The following FGF14 variants were observed in gnomAD, a reference collection of about 807,000 sequenced individuals.
FGF14 encodes fibroblast growth factor 14.
FGF14 carries 5 observed loss-of-function variants against 25.5 expected under a neutral mutation model. That is an observed-to-expected ratio of 0.20 (90% CI 0.10 to 0.41). The LOEUF is 0.41. FGF14 is among the 10% of genes least tolerant of loss of function. The pLI, the probability that FGF14 is intolerant of heterozygous loss-of-function variation, is 1.00. For missense variants in FGF14, 222 were observed against 320.1 expected, an observed-to-expected ratio of 0.69 and a Z score of 2.34; for synonymous variants, 138 against 118.3, an observed-to-expected ratio of 1.17 and a Z score of -1.08.
At chr13:102,101,011 T>A (rs9557805) in intron 1 of FGF14, among the ~76,000 whole-genome samples, 58,859 of 151,732 alleles carry the variant, frequency 0.39, 13,517 homozygotes, top group Non-Finnish European at 0.51. Flanking sequence ...AGGCGGAAGA[T>A]TTGCTGGAAC....
chr13:102,161,476 T>C (rs1185298389), intron 1 of FGF14, among the ~76,000 whole-genome samples: 1 of 151,924 alleles, frequency 6.6e-6, no homozygotes, highest in Non-Finnish European at 1.5e-5. Context: ...ACAGCAATCG[T>C]CAGTCAGTGT....
chr13:102,108,804 GAA>G (rs2045062840), intron 1 of FGF14, among the ~76,000 whole-genome samples: 1 of 152,146 alleles, frequency 6.6e-6, no homozygotes, highest in Non-Finnish European at 1.5e-5. Context: ...GGATTTTAAA[GAA>G]AAGCCCCTCG....
intron 3 of FGF14, among the ~76,000 whole-genome samples, chr13:101,867,271 C>T (rs1452937551): frequency 1.3e-5 from 2 of 152,006 alleles, no homozygotes; most frequent in Admixed American, 6.6e-5. Flanking sequence ...AAATGATATA[C>T]CCTACCTTTA....
At chr13:101,798,614 C>G (rs929569359) in intron 3 of FGF14, among the ~76,000 whole-genome samples, 1 of 152,060 alleles carries the variant, frequency 6.6e-6, no homozygotes, top group African/African-American at 2.4e-5. Flanking sequence ...TGAATATGCA[C>G]ATAGGTTAAT....
At chr13:102,275,055 G>A (rs565906858) in intron 1 of FGF14, among the ~76,000 whole-genome samples, 9 of 151,888 alleles carry the variant, frequency 5.9e-5, no homozygotes, top group Non-Finnish European at 1.2e-4. Context: ...ATTGTATTTT[G>A]CCTAGGACAG....
In FGF14 at chr13:101,816,194, T is replaced by C. The variant is rs369715375; in HGVS notation, c.408+52531A>G. ...CTGAGGCAGCAGAATGGCATGAACC[T>C]GGGAGGCGGAGCTTGCAGTGAGCCG... On this transcript the variant is annotated intron_variant, in intron 3 of 4. Coordinates refer to ENST00000376143, the MANE Select transcript of FGF14 (RefSeq NM_004115.4). 4.6e-4 allele frequency among the ~76,000 whole-genome samples: 67 copies of C among 146,220 alleles called. No individual in the cohort carries two copies. The South Asian group carries it at 9.5e-3, about 21-fold the overall frequency.
chr13:101,896,884 G>C (rs952717591), intron 1 of FGF14, among the ~76,000 whole-genome samples: 2 of 152,050 alleles, frequency 1.3e-5, no homozygotes, highest in African/African-American at 2.4e-5. Context: ...CTATGTTTTG[G>C]GGTAACTTTA....
At chr13:101,829,258 T>G in intron 3 of FGF14, among the ~76,000 whole-genome samples, 1 of 152,126 alleles carries the variant, frequency 6.6e-6, no homozygotes, top group South Asian at 2.1e-4. Context: ...CCTTTAAAGA[T>G]GCAGATGTCA....
intron 1 of FGF14, among the ~76,000 whole-genome samples, chr13:101,968,701 A>T (rs558133964): frequency 1.3e-5 from 2 of 149,874 alleles, no homozygotes; most frequent in South Asian, 2.1e-4. Flanking sequence ...CCTCAATATC[A>T]ATATTTCCTG....
intron 1 of FGF14, among the ~76,000 whole-genome samples, chr13:102,056,490 G>C (rs1449135540): frequency 6.6e-6 from 1 of 152,102 alleles, no homozygotes; most frequent in African/African-American, 2.4e-5. Flanking sequence ...AGAGAATATG[G>C]ATGCAGTAGA....
At chr13:102,112,194 G>A (rs180886361) in intron 1 of FGF14, among the ~76,000 whole-genome samples, 3 of 152,162 alleles carry the variant, frequency 2.0e-5, no homozygotes, top group African/African-American at 7.2e-5. Context: ...CACAGAGGTG[G>A]TGAGGTAATC....
intron 1 of FGF14, among the ~76,000 whole-genome samples, chr13:102,243,731 G>A (rs2051720629): frequency 6.7e-6 from 1 of 150,028 alleles, no homozygotes; most frequent in South Asian, 2.1e-4. Flanking sequence ...TCCACCACAT[G>A]ATGTTAAAAT....
chr13:102,257,301 T>C (rs1445962846), intron 1 of FGF14, among the ~76,000 whole-genome samples: 1 of 151,248 alleles, frequency 6.6e-6, no homozygotes, highest in Non-Finnish European at 1.5e-5. Context: ...ATTTGACATC[T>C]TTTTTTTCCT....
At chr13:102,088,819 C>T (rs911849907) in intron 1 of FGF14, among the ~76,000 whole-genome samples, 2 of 151,884 alleles carry the variant, frequency 1.3e-5, no homozygotes, top group Non-Finnish European at 2.9e-5. Context: ...AAATGCTTGC[C>T]GTAGGTCAGA....
chr13:101,890,942 G>C (rs1441514913), intron 1 of FGF14, among the ~76,000 whole-genome samples: 2 of 151,166 alleles, frequency 1.3e-5, no homozygotes, highest in South Asian at 4.2e-4. Context: ...TTTTCTTATT[G>C]ATAAGAAGAC....
chr13:101,805,864 G>A (rs1250504714), intron 3 of FGF14, among the ~76,000 whole-genome samples: 1 of 151,698 alleles, frequency 6.6e-6, no homozygotes, highest in Non-Finnish European at 1.5e-5. Context: ...AAGCCCAAAT[G>A]GAGTTCTAAA....
rs71125043 is a variant in FGF14, at chr13:102,087,407, CT to C, written c.209-212112del. 4.8e-3 allele frequency among the ~76,000 whole-genome samples: 406 copies of C among 84,414 alleles called. 1 individual carries two copies. The highest frequency in any genetic ancestry group is 8.2e-3 in the African/African-American group (186 of 22,692). 55.4% of individuals were successfully genotyped at this position (84,414 alleles called of 152,430 possible). A position where few individuals can be genotyped will look rare whatever the true frequency, so the allele number is the denominator to read the frequency against. On this transcript the variant is annotated intron_variant, in intron 1 of 4. Transcript: ENST00000376131. The stretch of plus-strand genomic sequence containing the variant: ...AATAGTAAAAAATAGACTGTAATTT[CT>C]TTTTTTTTTTTTTTTTTTTTTGAGA...
intron 1 of FGF14, among the ~76,000 whole-genome samples, chr13:102,177,118 C>T (rs1371146062): frequency 1.3e-5 from 2 of 152,192 alleles, no homozygotes; most frequent in East Asian, 3.9e-4. Flanking sequence ...CACTCAAATA[C>T]AACACACGTT....
intron 1 of FGF14, among the ~76,000 whole-genome samples, chr13:102,101,122 A>G (rs1003445933): frequency 1.3e-5 from 2 of 152,102 alleles, no homozygotes; most frequent in Admixed American, 1.3e-4. Flanking sequence ...AAAAAAAAAA[A>G]AAAGGTAAAG....
Sources: allele counts gnomAD v4.1 joint callset (sites outside exome capture counted in the v4.1 genomes callset), GRCh38; gene constraint gnomAD v4.1.1; transcripts MANE v1.5; gene names NCBI Gene and HGNC (gene_info 2026-07-23, HGNC 2026-07-21).